The following SLC28A1 variants were observed in gnomAD, a reference collection of about 807,000 sequenced individuals.
The protein encoded by SLC28A1 is solute carrier family 28 member 1.
A neutral mutation model predicts 74.8 loss-of-function variants in SLC28A1; 64 were observed. The ratio of observed to expected loss-of-function variants is 0.86; its 90% CI spans 0.70 to 1.05. The LOEUF (loss-of-function observed/expected upper bound fraction) is 1.05, where lower values mean the gene tolerates loss of function less well. Ranked by LOEUF, SLC28A1 falls within the 50% of genes least tolerant of loss-of-function variation. The probability of loss-of-function intolerance (pLI) is 0.00; values close to 1 mark genes in which losing one functional copy is unlikely to be tolerated. For missense variants in SLC28A1, 828 were observed against 822.8 expected (o/e 1.01, Z -0.08); for synonymous variants, 359 against 335.0 (o/e 1.07, Z -0.78).
the SLC28A1 span, among the ~76,000 whole-genome samples, chr15:84,958,102 A>G: frequency 2.6e-5 from 4 of 152,156 alleles, no homozygotes; most frequent in South Asian, 8.3e-4. Context: ...TCATTTTGTC[A>G]TTGGATTGCC....
chr15:84,949,616 G>C (rs1302909157), downstream of SLC28A1, among the ~76,000 whole-genome samples: 5 of 138,358 alleles, frequency 3.6e-5, no homozygotes, highest in Admixed American at 7.7e-5. Context: ...TCTCTATGTT[G>C]CCCAGGCTGG....
At chr15:84,922,754 T>C (rs1164473479) in intron 11 of SLC28A1, among the ~76,000 whole-genome samples, 1 of 152,254 alleles carries the variant, frequency 6.6e-6, no homozygotes, top group Non-Finnish European at 1.5e-5. Context: ...CGCGCCCATC[T>C]GCAGCAGACA....
rs1399158539 is a variant in SLC28A1 at position 84,918,579 on chromosome 15, G to A, written c.851G>A (p.Gly284Asp). The stretch of plus-strand genomic sequence containing the variant: ...GTCATATCCGTTCTCTACCACGTGG[G>A]CCTCATGCAGTGGGTGATCCTGAAG... Reference protein sequence around the residue: ...SCVISVLYHVGLMQWVILKIA... With the variant: ...SCVISVLYHVDLMQWVILKIA... Residue 284 changes from glycine (G) to aspartate (D), a missense_variant, in exon 10 of 19, where the codon GGC becomes GAC. By Grantham distance (94) the Gly-to-Asp change is moderately conservative (BLOSUM62 -1). Around this residue, in one of 3 missense-constraint regions of SLC28A1, gnomAD observed 767 missense variants for 753.5 expected, o/e 1.02. Transcript: ENST00000394573. 1.2e-6 allele frequency: 2 copies of A among 1,613,650 alleles called. No homozygotes were observed. The highest frequency in any genetic ancestry group is 1.7e-6 in the Non-Finnish European group (2 of 1,179,698).
At chr15:84,932,652 G>C (rs1208599068) in intron 12 of SLC28A1, among the ~76,000 whole-genome samples, 2 of 152,192 alleles carry the variant, frequency 1.3e-5, no homozygotes, top group Non-Finnish European at 2.9e-5. Context: ...AATTGGTTTA[G>C]CTCTTAAATC....
the SLC28A1 span, among the ~76,000 whole-genome samples, chr15:84,973,953 G>A: frequency 6.6e-6 from 1 of 152,134 alleles, no homozygotes; most frequent in Non-Finnish European, 1.5e-5. Flanking sequence ...GCTTGGGGAC[G>A]CTCACACAGG....
At chr15:84,944,111 G>C (rs1436541159) in intron 16 of SLC28A1, among the ~76,000 whole-genome samples, 3 of 152,200 alleles carry the variant, frequency 2.0e-5, no homozygotes, top group African/African-American at 7.2e-5. Flanking sequence ...AGGCAGGCAG[G>C]CCTGGTGGGG....
chr15:84,960,096 A>G, the SLC28A1 span, among the ~76,000 whole-genome samples: 3 of 152,154 alleles, frequency 2.0e-5, no homozygotes, highest in African/African-American at 4.8e-5. Flanking sequence ...GAGGGCACAC[A>G]TAGGGTAGAG....
Position 84,944,820 on chromosome 15 carries a change from C to T in SLC28A1, c.1827C>T (p.Ser609=). The change falls in exon 18 of 19, where the codon AGC becomes AGT. Residue 609 remains serine (S), a synonymous_variant. Coordinates refer to ENST00000394573, the MANE Select transcript of SLC28A1 (RefSeq NM_004213.5). ...TGTCCCTCTTGAACACGACCCTCAGCAGCAGTAGCTTTGAGATTTACCAGT... is the reference window on the plus strand; with the variant it reads ...TGTCCCTCTTGAACACGACCCTCAGTAGCAGTAGCTTTGAGATTTACCAGT... ...DCMSLLNTTL[S]SSSFEIYQCC... is the part of the protein sequence containing the mutation. The T allele has an allele frequency of 6.2e-7, 1 of 1,614,114 alleles. No individual in the cohort carries two copies. Among genetic ancestry groups the T allele is most frequent in the Non-Finnish European group, 8.5e-7 (1 of 1,179,972 alleles).
rs578192098 is a variant in SLC28A1, at chr15:84,928,151, AG to A, written c.1083+4044del. 1.2e-4 allele frequency among the ~76,000 whole-genome samples: 19 copies of A among 152,296 alleles called. No individual in the cohort carries two copies. In the East Asian group the frequency reaches 3.7e-3, roughly 29 times the overall value. On this transcript the variant is annotated intron_variant, in intron 12 of 18. Coordinates refer to ENST00000394573, the MANE Select transcript of SLC28A1 (RefSeq NM_004213.5). ...TGGGCAGTCTGGCTTCCCCATTGAC[AG>A]GGCCTGGGTACCCACTTCCCTTTAG... is the stretch of plus-strand genomic sequence containing the variant.
At chr15:84,904,069 G>C in intron 6 of SLC28A1, 28 bp from the exon 7 acceptor site, 1 of 1,614,108 alleles carries the variant, frequency 6.2e-7, no homozygotes, top group Non-Finnish European at 8.5e-7. Flanking sequence ...AATGCTGAGG[G>C]TAATGGCTTT....
At position 84,904,086 on chromosome 15, in the gene SLC28A1, C is replaced by T. The variant is rs370682800; in HGVS notation, c.462-11C>T. 1.5e-4 allele frequency: 236 copies of T among 1,614,050 alleles called. No individual in the cohort carries two copies. Among genetic ancestry groups the T allele is most frequent in the Non-Finnish European group, 1.9e-4 (227 of 1,180,052 alleles). Reference sequence around the variant, plus strand: ...TGCTGAGGGTAATGGCTTTCTGTCTCTTGCCTGCAGGGGTCTAGCTCTTGC... The same window carrying T: ...TGCTGAGGGTAATGGCTTTCTGTCTTTTGCCTGCAGGGGTCTAGCTCTTGC... On this transcript the variant is annotated splice_polypyrimidine_tract_variant and intron_variant, in intron 6 of 18. Coordinates refer to ENST00000394573, the MANE Select transcript of SLC28A1 (RefSeq NM_004213.5).
the SLC28A1 span, among the ~76,000 whole-genome samples, chr15:84,954,719 C>T: frequency 0.13 from 20,487 of 152,058 alleles, 2,356 homozygotes; most frequent in African/African-American, 0.31. Context: ...CATTGATCTG[C>T]CTAGTAAACA....
At chr15:84,922,255 G>A (rs1200217815) in intron 11 of SLC28A1, among the ~76,000 whole-genome samples, 2 of 152,172 alleles carry the variant, frequency 1.3e-5, no homozygotes, top group Non-Finnish European at 2.9e-5. Context: ...AGGACTGACA[G>A]GTCAACTGGC....
At position 84,895,824 on chromosome 15, in the gene SLC28A1, T is replaced by G. The variant is rs966514254; in HGVS notation, c.461+701T>G. ...CCACCAGTCTATTTCAATACTCTAT[T>G]TTGTTGATGAAGAAGCTGGTGACCA... On this transcript the variant is annotated intron_variant, in intron 6 of 18. Coordinates refer to ENST00000394573, the MANE Select transcript of SLC28A1 (RefSeq NM_004213.5). 3 of 1,095,762 alleles carry G rather than the reference T, an allele frequency of 2.7e-6. No individual in the cohort carries two copies. In the African/African-American group the frequency reaches 4.9e-5, roughly 18 times the overall value. The allele number at this position is 1,095,762 out of a possible 1,614,324, so 67.9% of individuals were successfully genotyped here. A position where few individuals can be genotyped will look rare whatever the true frequency, so the allele number is the denominator to read the frequency against.
intron 10 of SLC28A1, among the ~76,000 whole-genome samples, chr15:84,919,361 G>C (rs146567723): frequency 8.5e-5 from 13 of 152,326 alleles, no homozygotes; most frequent in Admixed American, 8.5e-4. Flanking sequence ...AGCAACATCA[G>C]ATGGCTTCCA....
intron 12 of SLC28A1, 98 bp from the exon 13 acceptor site, chr15:84,933,047 C>A: frequency 8.5e-7 from 1 of 1,177,388 alleles, no homozygotes; most frequent in Non-Finnish European, 1.3e-6. Flanking sequence ...ATCAGTGGGA[C>A]AGACTACACA....
At chr15:84,921,863 A>G (rs2141919802) in intron 11 of SLC28A1, among the ~76,000 whole-genome samples, 1 of 152,352 alleles carries the variant, frequency 6.6e-6, no homozygotes, top group East Asian at 1.9e-4. Flanking sequence ...ATGAGGCAAA[A>G]GAGGAAAACA....
At chr15:84,961,571 C>A in the SLC28A1 span, 3 of 448,696 alleles carry the variant, frequency 6.7e-6, no homozygotes, top group Admixed American at 7.2e-5. Flanking sequence ...GAACTCCTGG[C>A]CTTAAATGAT....
chr15:84,921,137 TC>T, intron 11 of SLC28A1, 68 bp downstream of exon 11: 1 of 1,170,374 alleles, frequency 8.5e-7, no homozygotes, highest in Non-Finnish European at 1.3e-6. Flanking sequence ...TTTCCCTGGA[TC>T]CCCAGAGCTC....
Sources: gnomAD v4.1 joint callset for allele counts (sites outside exome capture counted in the v4.1 genomes callset) on GRCh38, gnomAD v4.1.1 for gene constraint, gnomAD v4.1.1 regional missense constraint, MANE v1.5 for transcripts, NCBI Gene and HGNC (gene_info 2026-07-23, HGNC 2026-07-21) for gene names.